UTP20: variants seen among roughly 807,000 people sequenced by gnomAD.
UTP20 encodes the protein UTP20 small subunit processome component, also known as small subunit processome component 20 homolog.
Under a neutral mutation model 329.5 loss-of-function variants are expected in UTP20, and 164 were observed. The ratio of observed to expected loss-of-function variants is 0.50; its 90% CI spans 0.44 to 0.57. UTP20 has a LOEUF of 0.57. UTP20 is among the 20% of genes least tolerant of loss of function. The probability of loss-of-function intolerance (pLI) is 0.00; values close to 1 mark genes in which losing one functional copy is unlikely to be tolerated. For missense variants in UTP20, 3,055 were observed against 3,284.2 expected, an observed-to-expected ratio of 0.93 and a Z score of 1.71; for synonymous variants, 1,151 against 1,159.3, an observed-to-expected ratio of 0.99 and a Z score of 0.14.
rs916737726 is a variant in UTP20 at position 101,319,445 on chromosome 12, G to T, written c.2739-100G>T. 6.7e-6 allele frequency: 5 copies of T among 746,140 alleles called. No individual in the cohort carries two copies. The African/African-American group carries it at 7.2e-5, about 11-fold the overall frequency. 46.2% of individuals were successfully genotyped at this position (746,140 alleles called of 1,614,324 possible). ...ATATAATAGTGAAACTATAGGCGGG[G>T]TGTTTGAAGTTCTAGTCAGAATAAA... On this transcript the variant is annotated intron_variant, in intron 22 of 61. Coordinates refer to ENST00000261637, the MANE Select transcript of UTP20 (RefSeq NM_014503.3).
At chr12:101,321,776 GCT>G (rs1214848596) in intron 25 of UTP20, 147 bp downstream of exon 25, 1 of 1,059,448 alleles carries the variant, frequency 9.4e-7, no homozygotes, top group Non-Finnish European at 1.3e-6. Context: ...ATGGGGTCTT[GCT>G]CTGTCACCCA....
rs1869331731 is a variant in UTP20, at chr12:101,346,560, C to T, written c.4856C>T (p.Thr1619Ile). The T allele has an allele frequency of 3.8e-6, 6 of 1,599,976 alleles. No individual in the cohort carries two copies. The highest frequency in any genetic ancestry group is 5.1e-6 in the Non-Finnish European group (6 of 1,174,854). The change falls in exon 38 of 62, where the codon ACT becomes ATT. Residue 1619 changes from threonine (T) to isoleucine (I), a missense_variant. Coordinates refer to ENST00000261637, the MANE Select transcript of UTP20 (RefSeq NM_014503.3). The stretch of plus-strand genomic sequence containing the variant: ...AATTACATCATGCCTTATGCCATGA[C>T]TCCAATTTTTGATGAGAAAATGCTC... ...LQNYIMPYAMTPIFDEKMLKH... is the reference protein window; with the variant it reads ...LQNYIMPYAMIPIFDEKMLKH...
At chr12:101,313,503 G>C (rs564326057) in intron 21 of UTP20, among the ~76,000 whole-genome samples, 22 of 152,284 alleles carry the variant, frequency 1.4e-4, no homozygotes, top group African/African-American at 5.1e-4. Flanking sequence ...GCTGTGTTGA[G>C]AATAGACTGT....
intron 29 of UTP20, among the ~76,000 whole-genome samples, chr12:101,337,178 T>A (rs1228669651): frequency 6.6e-6 from 1 of 152,234 alleles, no homozygotes; most frequent in Non-Finnish European, 1.5e-5. Flanking sequence ...TAATATATAA[T>A]ATAGTGTCTT....
At position 101,290,290 on chromosome 12, in the gene UTP20, G is replaced by T. The variant is rs755506901; in HGVS notation, c.735+16G>T. On this transcript the variant is annotated intron_variant, in intron 7 of 61. Transcript: ENST00000261637. ...TACAGGCCAGGTACATAATGGGGAG[G>T]GGTGCTTAGAGTCTATGTGGATGGA... is the stretch of plus-strand genomic sequence containing the variant. 2 of 1,576,936 alleles carry T rather than the reference G, an allele frequency of 1.3e-6. No homozygotes were observed. The highest frequency in any genetic ancestry group is 2.7e-5 in the African/African-American group (2 of 73,256).
chr12:101,382,946 AT>A, intron 58 of UTP20, 94 bp from the exon 59 acceptor site: 1 of 1,443,050 alleles, frequency 6.9e-7, no homozygotes, highest in Non-Finnish European at 9.2e-7. Context: ...TTGTTTTCTA[AT>A]TGTAGAATAC....
intron 56 of UTP20, among the ~76,000 whole-genome samples, chr12:101,377,239 G>A (rs1870504457): frequency 6.6e-6 from 1 of 152,202 alleles, no homozygotes; most frequent in Non-Finnish European, 1.5e-5. Context: ...GATTCATGTA[G>A]ATCAAAAGTA....
At chr12:101,350,082 C>T (rs1014163284) in intron 38 of UTP20, among the ~76,000 whole-genome samples, 2 of 152,094 alleles carry the variant, frequency 1.3e-5, no homozygotes, top group African/African-American at 2.4e-5. Flanking sequence ...TTAACATGCT[C>T]ATATTTTTCT....
intron 47 of UTP20, 130 bp downstream of exon 47, chr12:101,366,829 T>A (rs1158994376): frequency 8.7e-7 from 1 of 1,148,764 alleles, no homozygotes; most frequent in African/African-American, 1.6e-5. Flanking sequence ...AGATTTTTTT[T>A]TTTTACAGGT....
intron 44 of UTP20, 56 bp downstream of exon 44, chr12:101,362,116 A>G (rs1042159559): frequency 3.2e-6 from 4 of 1,252,690 alleles, no homozygotes; most frequent in African/African-American, 3.1e-5. Flanking sequence ...ACGACACAAA[A>G]AAATCAATTC....
chr12:101,300,132 G>A (rs1004653515), intron 14 of UTP20, 71 bp downstream of exon 14: 1 of 1,396,084 alleles, frequency 7.2e-7, no homozygotes, highest in Non-Finnish European at 1.0e-6. Flanking sequence ...AAACACATGA[G>A]CTATTAGAGA....
chr12:101,287,251 T>G (rs1445259842), intron 5 of UTP20, among the ~76,000 whole-genome samples: 1 of 152,242 alleles, frequency 6.6e-6, no homozygotes, highest in Non-Finnish European at 1.5e-5. Context: ...CCGTTCTCTT[T>G]TAGGAACTTT....
intron 1 of UTP20, among the ~76,000 whole-genome samples, chr12:101,280,830 C>A (rs183812733): frequency 3.9e-5 from 6 of 152,268 alleles, no homozygotes; most frequent in African/African-American, 1.4e-4. Context: ...GGGTATGAAA[C>A]CTAATAGATC....
chr12:101,291,873 T>G lies in UTP20; in HGVS notation c.1023T>G (p.Pro341=). ...GAAGTGGGACAAAGATACCCACGCC[T>G]GCTGATGTCTGTAAGGTGAGTTCCC... ...KHGSGTKIPT[P]ADVCKVLSQT... is the part of the protein sequence containing the mutation. The change falls in exon 9 of 62, where the codon CCT becomes CCG. Residue 341 remains proline, a synonymous_variant. Coordinates refer to ENST00000261637, the MANE Select transcript of UTP20 (RefSeq NM_014503.3). The G allele has an allele frequency of 6.2e-7, 1 of 1,612,542 alleles. No homozygotes were observed. The highest frequency in any genetic ancestry group is 8.5e-7 in the Non-Finnish European group (1 of 1,179,570).
Position 101,375,665 on chromosome 12 carries a change from G to C in UTP20, c.7305G>C (p.Leu2435=). 6.2e-7 allele frequency: 1 copy of C among 1,611,944 alleles called. No homozygotes were observed. The highest frequency in any genetic ancestry group is 8.5e-7 in the Non-Finnish European group (1 of 1,179,288). ...ETEEKAADRL[L]FSFLTLITKL... ...AAGAAAAAGCTGCAGATCGCCTTCT[G>C]TTTAGTTTTCTTACACTGATAACTA... Residue 2435 remains leucine (L), a synonymous_variant, in exon 56 of 62, where the codon CTG becomes CTC. Coordinates refer to ENST00000261637, the MANE Select transcript of UTP20 (RefSeq NM_014503.3).
In UTP20 at chr12:101,312,395, A is replaced by G. The variant is rs145994571; in HGVS notation, c.2552+119A>G. 6.4e-4 allele frequency: 869 copies of G among 1,366,354 alleles called. 3 individuals are homozygous for G. In the African/African-American group the frequency reaches 0.011, roughly 17 times the overall value. 84.6% of individuals were successfully genotyped at this position (1,366,354 alleles called of 1,614,324 possible). On this transcript the variant is annotated intron_variant, in intron 21 of 61. Coordinates refer to ENST00000261637, the MANE Select transcript of UTP20 (RefSeq NM_014503.3). ...TTTTGCCTTCTTTCTTTCTGCTTCC[A>G]ATCATCCATTAGGCTGAGGTATTTT...
intron 37 of UTP20, among the ~76,000 whole-genome samples, chr12:101,345,972 A>G (rs543019031): frequency 5.9e-5 from 9 of 152,148 alleles, no homozygotes; most frequent in East Asian, 5.8e-4. Context: ...AACAAATGCT[A>G]TGGATTATAT....
At chr12:101,285,912 C>T in intron 4 of UTP20, 31 bp downstream of exon 4, 2 of 1,599,898 alleles carry the variant, frequency 1.3e-6, no homozygotes, top group Non-Finnish European at 1.7e-6. Context: ...AAGCTCACAA[C>T]TATATTTGCC....
rs762411685 is a variant in UTP20 at position 101,342,834 on chromosome 12, C to G, written c.4293C>G (p.Val1431=). 2.0e-5 allele frequency: 32 copies of G among 1,612,916 alleles called. No homozygotes were observed. The East Asian group carries it at 6.0e-4, about 30-fold the overall frequency. Residue 1431 remains valine, a synonymous_variant, in exon 34 of 62, where the codon GTC becomes GTG. Transcript: ENST00000261637. ...GGTTAAAATATATTACTGATGTTGT[C>G]AAGGTAAGAAAGAAGGGTTTCTCTT... ...ESGLKYITDV[V]KLNAFDQRHL... is the part of the protein sequence containing the mutation.
Sources: gnomAD v4.1 joint callset for allele counts (sites outside exome capture counted in the v4.1 genomes callset) on GRCh38, gnomAD v4.1.1 for gene constraint, MANE v1.5 for transcripts, NCBI Gene and HGNC (gene_info 2026-07-23, HGNC 2026-07-21) for gene names.